ZNF407: variants seen among roughly 807,000 people sequenced by gnomAD.
ZNF407 encodes the protein zinc finger protein 407.
A neutral mutation model predicts 131.2 loss-of-function variants in ZNF407; 17 were observed. The observed-to-expected ratio is 0.13, with a 90% CI of 0.09 to 0.19. The LOEUF (loss-of-function observed/expected upper bound fraction) is 0.19, where lower values mean the gene tolerates loss of function less well. Among genes scored for constraint, ZNF407 ranks in the 10% least tolerant of loss-of-function variants. The pLI is 1.00. For synonymous variants in ZNF407, 1,156 were observed against 1,062.0 expected (o/e 1.09, Z -1.72); for missense variants, 2,681 against 2,830.6 (o/e 0.95, Z 1.20).
chr18:75,063,332 G>C lies in ZNF407; in HGVS notation c.5611G>C (p.Gly1871Arg). The C allele has an allele frequency of 8.7e-6, 14 of 1,613,280 alleles. No individual in the cohort carries two copies. Among genetic ancestry groups the C allele is most frequent in the Non-Finnish European group, 1.1e-5 (13 of 1,179,754 alleles). Residue 1871 changes from glycine (G) to arginine (R), a missense_variant, in exon 9 of 9, where the codon GGC becomes CGC. Coordinates refer to ENST00000299687, the MANE Select transcript of ZNF407 (RefSeq NM_017757.3). The surrounding 1 kb of genome is among the most constrained non-coding windows in gnomAD (Gnocchi z 6.6). ...GGTGCAGCAGGTCATCATCTTCCAG[G>C]GCTACGACGGGGAGTTTGCCCTGGA... ...EQVQQVIIFQ[G>R]YDGEFALDPS...
At chr18:74,885,450 A>G (rs1036550032) in intron 6 of ZNF407, among the ~76,000 whole-genome samples, 1 of 152,210 alleles carries the variant, frequency 6.6e-6, no homozygotes, top group African/African-American at 2.4e-5. Context: ...TCCAAATCCC[A>G]TCAGGCTATT....
chr18:74,604,026 G>T (rs564339287), intron 1 of ZNF407, among the ~76,000 whole-genome samples: 118 of 152,270 alleles, frequency 7.7e-4, no homozygotes, highest in Non-Finnish European at 1.5e-3. Context: ...CATCCAAATG[G>T]ACTTAGGGGT....
rs114330157 is a variant in ZNF407 at position 75,018,695 on chromosome 18, T to C, written c.5429-44455T>C. ...AAAATTTTAATATAACAGCTAAAAA[T>C]GTAGTGCTTTAAAGAAGTTAAGCTA... On this transcript the variant is annotated intron_variant, in intron 8 of 8. Coordinates refer to ENST00000299687, the MANE Select transcript of ZNF407 (RefSeq NM_017757.3). 1.9e-3 allele frequency among the ~76,000 whole-genome samples: 292 copies of C among 152,146 alleles called. 2 individuals carry two copies. The highest frequency in any genetic ancestry group is 6.7e-3 in the African/African-American group (277 of 41,524).
chr18:74,731,933 C>T (rs1370697573), intron 3 of ZNF407, among the ~76,000 whole-genome samples: 1 of 151,956 alleles, frequency 6.6e-6, no homozygotes, highest in Non-Finnish European at 1.5e-5. Context: ...GAAGAACAAG[C>T]GCTAGGTCCT....
intron 8 of ZNF407, among the ~76,000 whole-genome samples, chr18:74,935,395 C>T (rs904354251): frequency 1.3e-5 from 2 of 152,144 alleles, no homozygotes; most frequent in Non-Finnish European, 2.9e-5. Context: ...TGTGGTACTT[C>T]TTGGTGTTTT....
At chr18:74,659,657 C>G (rs986700187) in intron 3 of ZNF407, among the ~76,000 whole-genome samples, 1 of 152,092 alleles carries the variant, frequency 6.6e-6, no homozygotes, top group Non-Finnish European at 1.5e-5. Context: ...TTTGTGACAA[C>G]TTCAGTAAAA....
chr18:74,698,532 C>T lies in ZNF407; in HGVS notation c.4802+57410C>T, dbSNP rs375833465. Among the ~76,000 whole-genome samples the T allele has an allele frequency of 2.0e-4, 30 of 152,216 alleles. No homozygotes were observed. In the East Asian group the frequency reaches 2.7e-3, roughly 14 times the overall value. On this transcript the variant is annotated intron_variant, in intron 3 of 8. Coordinates refer to ENST00000299687, the MANE Select transcript of ZNF407 (RefSeq NM_017757.3). Reference sequence around the variant, plus strand: ...TCTCTGATGTTTGATAGGAGTACTCCGTATGTGTGTGGGAGTGAGGGGAAC... The same window carrying T: ...TCTCTGATGTTTGATAGGAGTACTCTGTATGTGTGTGGGAGTGAGGGGAAC...
intron 8 of ZNF407, among the ~76,000 whole-genome samples, chr18:75,053,523 A>G (rs1311929550): frequency 6.6e-6 from 1 of 152,120 alleles, no homozygotes; most frequent in Non-Finnish European, 1.5e-5. Context: ...GTCAGGGTTC[A>G]TGCCTCATAG....
chr18:74,767,820 A>ATTTTTTTT (rs10692267), intron 3 of ZNF407, among the ~76,000 whole-genome samples: 2 of 114,100 alleles, frequency 1.8e-5, no homozygotes. Context: ...CGCCTGGCTA[A>ATTTTTTTT]TTTTTTTTTT....
intron 4 of ZNF407, among the ~76,000 whole-genome samples, chr18:74,787,228 A>T (rs1193195389): frequency 6.6e-6 from 1 of 152,184 alleles, no homozygotes; most frequent in African/African-American, 2.4e-5. Flanking sequence ...AATTTCTCTT[A>T]TACTGTATTT....
At chr18:74,883,688 A>G (rs1388433930) in intron 6 of ZNF407, among the ~76,000 whole-genome samples, 2 of 152,184 alleles carry the variant, frequency 1.3e-5, no homozygotes, top group Non-Finnish European at 2.9e-5. Flanking sequence ...GTGTGTTTCC[A>G]TGAGACGCGG....
intron 6 of ZNF407, among the ~76,000 whole-genome samples, chr18:74,884,453 T>G (rs1011956359): frequency 2.0e-5 from 3 of 152,190 alleles, no homozygotes; most frequent in Non-Finnish European, 4.4e-5. Context: ...TTGTATAAAT[T>G]GACATGGACT....
At chr18:75,016,954 A>G (rs1208710234) in intron 8 of ZNF407, among the ~76,000 whole-genome samples, 1 of 152,140 alleles carries the variant, frequency 6.6e-6, no homozygotes, top group Non-Finnish European at 1.5e-5. Flanking sequence ...AGCTCACCAT[A>G]TTCCAGAAAA....
intron 3 of ZNF407, among the ~76,000 whole-genome samples, chr18:74,672,166 C>A (rs1208612491): frequency 6.6e-6 from 1 of 152,130 alleles, no homozygotes; most frequent in African/African-American, 2.4e-5. Flanking sequence ...AACTCACACT[C>A]CCAACAGTGT....
chr18:74,834,436 G>A (rs939152093), intron 4 of ZNF407, among the ~76,000 whole-genome samples: 1 of 152,124 alleles, frequency 6.6e-6, no homozygotes, highest in Non-Finnish European at 1.5e-5. Context: ...GAACCTGGTG[G>A]GACAATTTAG....
intron 8 of ZNF407, among the ~76,000 whole-genome samples, chr18:74,967,722 A>G (rs958816933): frequency 3.3e-5 from 5 of 152,358 alleles, no homozygotes; most frequent in African/African-American, 1.2e-4. Context: ...TTAGAAGTGA[A>G]AGTCATGTTC....
chr18:74,670,311 T>TA (rs1464616918), intron 3 of ZNF407, among the ~76,000 whole-genome samples: 2 of 152,176 alleles, frequency 1.3e-5, no homozygotes, highest in Non-Finnish European at 2.9e-5. Flanking sequence ...ATTATTTTCT[T>TA]AAAAAATTGG....
intron 5 of ZNF407, 28 bp from the exon 6 acceptor site, chr18:74,881,008 G>A (rs762322634): frequency 3.8e-6 from 6 of 1,574,364 alleles, no homozygotes; most frequent in Non-Finnish European, 3.5e-6. Context: ...GACCTCCGCA[G>A]TCCCTCATCT....
At chr18:74,856,789 A>G (rs1568243196) in intron 4 of ZNF407, among the ~76,000 whole-genome samples, 1 of 152,206 alleles carries the variant, frequency 6.6e-6, no homozygotes. Flanking sequence ...GTACTATATA[A>G]TAAGTTTCAT....
Sources: allele counts gnomAD v4.1 joint callset (sites outside exome capture counted in the v4.1 genomes callset), GRCh38; gene constraint gnomAD v4.1.1; non-coding constraint Gnocchi (gnomAD v3.1); transcripts MANE v1.5; gene names NCBI Gene and HGNC (gene_info 2026-07-23, HGNC 2026-07-21).